FOXP1: variants seen among roughly 807,000 people sequenced by gnomAD.
FOXP1 encodes the protein forkhead box P1, also known as forkhead box protein P1.
FOXP1 carries 15 observed loss-of-function variants against 98.2 expected under a neutral mutation model. The observed-to-expected ratio is 0.15, with a 90% CI of 0.10 to 0.24. FOXP1 has a LOEUF of 0.24. Among genes scored for constraint, FOXP1 ranks in the 10% least tolerant of loss-of-function variants. The pLI is 1.00. For missense variants in FOXP1, 633 were observed against 848.5 expected (o/e 0.75, Z 3.15); for synonymous variants, 371 against 314.5 (o/e 1.18, Z -1.90).
intron 6 of FOXP1, among the ~76,000 whole-genome samples, chr3:71,148,432 T>G (rs1470505735): frequency 6.6e-6 from 1 of 152,210 alleles, no homozygotes; most frequent in Non-Finnish European, 1.5e-5. Context: ...TCAAACATTT[T>G]TAAAAGGTTA....
At chr3:71,437,411 GCAAAA>G (rs746950766) in intron 3 of FOXP1, among the ~76,000 whole-genome samples, 3 of 152,082 alleles carry the variant, frequency 2.0e-5, no homozygotes, top group East Asian at 1.9e-4. Context: ...TGTCTCAAAA[GCAAAA>G]CAAAACAAAA....
At chr3:71,133,912 T>C (rs2059693911) in intron 6 of FOXP1, among the ~76,000 whole-genome samples, 1 of 152,200 alleles carries the variant, frequency 6.6e-6, no homozygotes, top group Non-Finnish European at 1.5e-5. Flanking sequence ...CTCTATAGTA[T>C]TTCCTAGTAA....
chr3:71,267,229 A>C (rs2069780382), intron 5 of FOXP1, among the ~76,000 whole-genome samples: 1 of 152,126 alleles, frequency 6.6e-6, no homozygotes, highest in South Asian at 2.1e-4. Flanking sequence ...CCTTTGCATT[A>C]AAGATTAGTA....
At chr3:71,114,690 C>A (rs938943420) in intron 6 of FOXP1, among the ~76,000 whole-genome samples, 3 of 152,170 alleles carry the variant, frequency 2.0e-5, no homozygotes, top group Non-Finnish European at 2.9e-5. Context: ...CAGGCTAGTT[C>A]ATCTGTGAAG....
intron 2 of FOXP1, among the ~76,000 whole-genome samples, chr3:71,530,759 G>C (rs914934324): frequency 6.6e-6 from 1 of 152,152 alleles, no homozygotes; most frequent in Non-Finnish European, 1.5e-5. Flanking sequence ...ACCAGAAAAC[G>C]AAGAGTGGGC....
At chr3:71,022,107 T>C (rs1200575962) in intron 11 of FOXP1, among the ~76,000 whole-genome samples, 1 of 152,202 alleles carries the variant, frequency 6.6e-6, no homozygotes, top group Non-Finnish European at 1.5e-5. Context: ...TTTAAGCCTA[T>C]GGTCTGTTTT....
In FOXP1 at chr3:71,414,443, C is replaced by A. The variant is rs376730829; in HGVS notation, c.-167-55199G>T. 7.2e-5 allele frequency among the ~76,000 whole-genome samples: 11 copies of A among 152,340 alleles called. No individual in the cohort carries two copies. The East Asian group carries it at 1.7e-3, about 24-fold the overall frequency. On this transcript the variant is annotated intron_variant, in intron 3 of 20. Transcript: ENST00000649528. ...ACAGATGCACTGCCCAGACCTGCGG[C>A]ACCATCCACACCCACACAGCAGGGG...
intron 7 of FOXP1, among the ~76,000 whole-genome samples, chr3:71,101,212 A>G (rs1008787112): frequency 3.3e-5 from 5 of 152,218 alleles, no homozygotes; most frequent in Non-Finnish European, 7.3e-5. Context: ...ACTGTGACTA[A>G]TAAGACCTGG....
At chr3:71,574,269 A>C (rs545682109) in intron 2 of FOXP1, 1 of 152,352 alleles carries the variant, frequency 6.6e-6, no homozygotes, top group African/African-American at 2.4e-5. Flanking sequence ...CCACACCTAA[A>C]GCCAAAATGG....
chr3:71,205,254 T>G (rs995150346), intron 5 of FOXP1, among the ~76,000 whole-genome samples: 2 of 152,176 alleles, frequency 1.3e-5, no homozygotes, highest in Non-Finnish European at 2.9e-5. Flanking sequence ...ACTTTCTCAT[T>G]AATTTTCTTG....
chr3:71,418,554 T>C (rs564479205), intron 3 of FOXP1, among the ~76,000 whole-genome samples: 23 of 152,326 alleles, frequency 1.5e-4, no homozygotes, highest in East Asian at 3.9e-4. Flanking sequence ...TATTCTGAAG[T>C]GTTAAAAGCG....
intron 20 of FOXP1, among the ~76,000 whole-genome samples, chr3:70,961,128 G>A (rs1010435814): frequency 6.6e-5 from 10 of 150,390 alleles, no homozygotes; most frequent in East Asian, 4.1e-4. Context: ...CACTGCGCCC[G>A]GCTGCTAAAA....
rs1264169912 is a variant in FOXP1, at chr3:71,530,888, C to G, written c.-297-37333G>C. Among the ~76,000 whole-genome samples the G allele has an allele frequency of 5.9e-5, 9 of 152,190 alleles. No homozygotes were observed. The East Asian group carries it at 1.7e-3, about 29-fold the overall frequency. ...GAAGAAAACTACCCCCCAACCCCATCCAGGAATGGCGAAGGAAAAAGACTG... is the reference window on the plus strand; with the variant it reads ...GAAGAAAACTACCCCCCAACCCCATGCAGGAATGGCGAAGGAAAAAGACTG... On this transcript the variant is annotated intron_variant, in intron 2 of 20. Transcript: ENST00000649528.
chr3:71,208,825 G>C (rs2064243126), intron 5 of FOXP1, among the ~76,000 whole-genome samples: 1 of 152,106 alleles, frequency 6.6e-6, no homozygotes, highest in Non-Finnish European at 1.5e-5. Context: ...TCAAGGTCGA[G>C]GTAAATGCAT....
At chr3:71,071,435 A>C (rs2053215637) in intron 7 of FOXP1, among the ~76,000 whole-genome samples, 1 of 152,216 alleles carries the variant, frequency 6.6e-6, no homozygotes, top group South Asian at 2.1e-4. Context: ...GAGATAGTAC[A>C]GGAGTACTAC....
chr3:71,392,645 T>C (rs769587574), intron 3 of FOXP1, among the ~76,000 whole-genome samples: 2 of 152,182 alleles, frequency 1.3e-5, no homozygotes, highest in African/African-American at 2.4e-5. Flanking sequence ...TACTTAAACT[T>C]TGGAAATTTC....
intron 2 of FOXP1, among the ~76,000 whole-genome samples, chr3:71,501,283 A>AAAAGCTTT (rs1553902573): frequency 7.4e-6 from 1 of 135,992 alleles, no homozygotes; most frequent in Non-Finnish European, 1.6e-5. Flanking sequence ...CCAAACTCTG[A>AAAAGCTTT]AATGCTTTTC....
intron 3 of FOXP1, among the ~76,000 whole-genome samples, chr3:71,475,479 G>A (rs755069703): frequency 1.8e-4 from 27 of 152,168 alleles, no homozygotes; most frequent in Admixed American, 8.5e-4. Flanking sequence ...GGGGACCTAA[G>A]TAGGCAGGAA....
intron 11 of FOXP1, among the ~76,000 whole-genome samples, chr3:71,019,745 C>T (rs2045117755): frequency 1.3e-5 from 2 of 152,156 alleles, no homozygotes; most frequent in East Asian, 1.9e-4. Flanking sequence ...GCAGGAGAAT[C>T]GCTTGAACCT....
Sources: gnomAD v4.1 joint callset for allele counts (sites outside exome capture counted in the v4.1 genomes callset) on GRCh38, gnomAD v4.1.1 for gene constraint, MANE v1.5 for transcripts, NCBI Gene and HGNC (gene_info 2026-07-23, HGNC 2026-07-21) for gene names.